Variants in STX7 observed in about 807,000 individuals in gnomAD.
STX7 encodes syntaxin-7.
A neutral mutation model predicts 39.6 loss-of-function variants in STX7; 34 were observed. The ratio of observed to expected loss-of-function variants is 0.86; its 90% CI spans 0.65 to 1.14. The LOEUF (loss-of-function observed/expected upper bound fraction) is 1.14. Among genes scored for constraint, STX7 ranks in the 50% most tolerant of loss-of-function variants. The probability of loss-of-function intolerance (pLI) is 0.00; values close to 1 mark genes in which losing one functional copy is unlikely to be tolerated. For missense variants in STX7, 284 were observed against 310.4 expected (o/e 0.92, Z 0.64); for synonymous variants, 119 against 99.1 (o/e 1.20, Z -1.19).
rs995795979 is a variant in STX7 at position 132,458,055 on chromosome 6, G to A, written c.*2703C>T. ...CACAGATGTATTTCATGGAAAGAGG[G>A]GCCTTTAAAGGCACTTATTTATCAT... On this transcript the variant is annotated 3_prime_UTR_variant, in exon 10 of 10. Transcript: ENST00000367941. The A allele has an allele frequency of 6.6e-6, 1 of 151,972 alleles. No homozygotes were observed. 9.4% of individuals were successfully genotyped at this position (151,972 alleles called of 1,614,324 possible). A position where few individuals can be genotyped will look rare whatever the true frequency, so the allele number is the denominator to read the frequency against.
At chr6:132,481,206 C>G (rs1775008160) in intron 2 of STX7, among the ~76,000 whole-genome samples, 1 of 151,974 alleles carries the variant, frequency 6.6e-6, no homozygotes, top group African/African-American at 2.4e-5. Context: ...CTGTAGAAAA[C>G]AAAAGGGATA....
At chr6:132,478,034 G>A (rs1322573342) in intron 2 of STX7, among the ~76,000 whole-genome samples, 1 of 151,850 alleles carries the variant, frequency 6.6e-6, no homozygotes, top group Non-Finnish European at 1.5e-5. Flanking sequence ...AAAAGGTAAA[G>A]ACTACATAAT....
Position 132,468,415 on chromosome 6 carries a change from C to T in STX7, c.598G>A (p.Gly200Arg), listed in dbSNP as rs201892382. 2 of 1,609,234 alleles carry T rather than the reference C, an allele frequency of 1.2e-6. No individual in the cohort carries two copies. The highest frequency in any genetic ancestry group is 1.3e-5 in the African/African-American group (1 of 74,716). ...KDLGMMIHEQ[G>R]DVIDSIEANV... ...CAGCAGGTCTTACCTATTACATCTCCTTGTTCATGAATCATCATTCCCAAA... is the reference window on the plus strand; with the variant it reads ...CAGCAGGTCTTACCTATTACATCTCTTTGTTCATGAATCATCATTCCCAAA... The change falls in exon 8 of 10, where the codon GGA becomes AGA. Residue 200 changes from glycine (G) to arginine (R), a missense_variant. Gly to Arg is a moderately radical substitution (Grantham distance 125, BLOSUM62 -2). Coordinates refer to ENST00000367941, the MANE Select transcript of STX7 (RefSeq NM_003569.3).
chr6:132,498,911 CT>C (rs1434036879), intron 2 of STX7, among the ~76,000 whole-genome samples: 27 of 152,178 alleles, frequency 1.8e-4, no homozygotes, highest in Non-Finnish European at 3.8e-4. Flanking sequence ...ACTGGTTTCA[CT>C]AAATTCATGG....
intron 2 of STX7, among the ~76,000 whole-genome samples, chr6:132,478,618 T>C (rs1327806164): frequency 1.3e-5 from 2 of 152,194 alleles, no homozygotes; most frequent in African/African-American, 2.4e-5. Context: ...CTCATTCCCA[T>C]TTAACCGGCC....
chr6:132,481,038 C>T (rs1172048784), intron 2 of STX7, among the ~76,000 whole-genome samples: 1 of 152,104 alleles, frequency 6.6e-6, no homozygotes, highest in Non-Finnish European at 1.5e-5. Flanking sequence ...GGAAATCACC[C>T]CCTAAATTTG....
At chr6:132,506,561 A>T (rs565988015) in intron 1 of STX7, among the ~76,000 whole-genome samples, 3 of 152,196 alleles carry the variant, frequency 2.0e-5, no homozygotes, top group Non-Finnish European at 4.4e-5. Flanking sequence ...ATCATCTCAC[A>T]ACAGTCAGAA....
chr6:132,485,563 G>A (rs1775112280), intron 2 of STX7, among the ~76,000 whole-genome samples: 2 of 152,176 alleles, frequency 1.3e-5, no homozygotes, highest in African/African-American at 2.4e-5. Context: ...TATGACAGGT[G>A]TTACATTTAG....
chr6:132,477,866 T>TA (rs1263311370), intron 2 of STX7, among the ~76,000 whole-genome samples: 5 of 152,094 alleles, frequency 3.3e-5, no homozygotes, highest in African/African-American at 7.2e-5. Context: ...AACAGCCCAG[T>TA]AAAAAATGGA....
chr6:132,503,012 C>G (rs1192940222), intron 2 of STX7, among the ~76,000 whole-genome samples: 1 of 152,178 alleles, frequency 6.6e-6, no homozygotes, highest in African/African-American at 2.4e-5. Flanking sequence ...GTACCACATA[C>G]TTGCCCATCA....
chr6:132,500,869 T>C (rs1421701890), intron 2 of STX7, among the ~76,000 whole-genome samples: 1 of 152,186 alleles, frequency 6.6e-6, no homozygotes, highest in Non-Finnish European at 1.5e-5. Context: ...AGGGAGGCAA[T>C]TCTACCTTAA....
Position 132,449,340 on chromosome 6 carries a change from A to G in STX7, c.*11418T>C, listed in dbSNP as rs1484091690. 1.3e-5 allele frequency: 2 copies of G among 152,024 alleles called. No homozygotes were observed. Among genetic ancestry groups the G allele is most frequent in the African/African-American group, 4.8e-5 (2 of 41,376 alleles). The allele number at this position is 152,024 out of a possible 1,614,324, so 9.4% of individuals were successfully genotyped here. A position where few individuals can be genotyped will look rare whatever the true frequency, so the allele number is the denominator to read the frequency against. On this transcript the variant is annotated 3_prime_UTR_variant, in exon 10 of 10. Coordinates refer to ENST00000367941, the MANE Select transcript of STX7 (RefSeq NM_003569.3). ...AGTGGGGGCTCTTGCTTCATTTCCCAGGTTGATCTCAAACTCCTGGCTTCA... is the reference window on the plus strand; with the variant it reads ...AGTGGGGGCTCTTGCTTCATTTCCCGGGTTGATCTCAAACTCCTGGCTTCA...
intron 2 of STX7, among the ~76,000 whole-genome samples, chr6:132,502,716 G>A (rs181825905): frequency 7.9e-5 from 12 of 152,154 alleles, no homozygotes; most frequent in Non-Finnish European, 1.5e-4. Context: ...TGGCTAACAC[G>A]GTGAAACCCC....
At chr6:132,507,006 AAC>A (rs1362534616) in intron 1 of STX7, among the ~76,000 whole-genome samples, 4 of 152,360 alleles carry the variant, frequency 2.6e-5, no homozygotes, top group Admixed American at 2.6e-4. Flanking sequence ...CTTTCACAGC[AAC>A]ACAGATGAAC....
rs1774164738 is a variant in STX7 at position 132,452,976 on chromosome 6, C to G, written c.*7782G>C. ...CCAGCCTATTTGATTTCAAGACTTA[C>G]TACAGTAATCAAGATTTTGGTGTTG... is the stretch of plus-strand genomic sequence containing the variant. On this transcript the variant is annotated 3_prime_UTR_variant, in exon 10 of 10. Transcript: ENST00000367941. 1 of 152,076 alleles carries G rather than the reference C, an allele frequency of 6.6e-6. No homozygotes were observed. 9.4% of individuals were successfully genotyped at this position (152,076 alleles called of 1,614,324 possible). A position where few individuals can be genotyped will look rare whatever the true frequency, so the allele number is the denominator to read the frequency against.
intron 8 of STX7, among the ~76,000 whole-genome samples, chr6:132,467,184 C>A (rs6935785): frequency 0.65 from 98,298 of 151,980 alleles, 32,443 homozygotes; most frequent in East Asian, 0.86. Flanking sequence ...ATCTTCCTAC[C>A]TGACATCATC....
intron 2 of STX7, among the ~76,000 whole-genome samples, 174 bp downstream of exon 2, chr6:132,503,272 T>A (rs1443223821): frequency 2.0e-5 from 3 of 152,230 alleles, no homozygotes; most frequent in Non-Finnish European, 4.4e-5. Flanking sequence ...CAGTAAGTGT[T>A]ATCTCAAATA....
At chr6:132,502,514 AT>A (rs1775593872) in intron 2 of STX7, among the ~76,000 whole-genome samples, 1 of 152,240 alleles carries the variant, frequency 6.6e-6, no homozygotes, top group African/African-American at 2.4e-5. Flanking sequence ...TGCTATAATG[AT>A]TTTTTTAATA....
chr6:132,464,147 T>G, intron 8 of STX7, 72 bp from the exon 9 acceptor site: 2 of 1,378,324 alleles, frequency 1.5e-6, no homozygotes, highest in Non-Finnish European at 2.1e-6. Context: ...TCACTAAATT[T>G]CATTCAAGGT....
Sources: gnomAD v4.1 joint callset for allele counts (sites outside exome capture counted in the v4.1 genomes callset) on GRCh38, gnomAD v4.1.1 for gene constraint, MANE v1.5 for transcripts, NCBI Gene and HGNC (gene_info 2026-07-23, HGNC 2026-07-21) for gene names.